Variants in ERCC6L2 observed in about 807,000 individuals in gnomAD.
The protein encoded by ERCC6L2 is ERCC excision repair 6 like 2, also known as DNA excision repair protein ERCC-6-like 2.
In ERCC6L2, 77 loss-of-function variants were observed where a neutral mutation model predicts 132.0. The observed-to-expected ratio is 0.58, with a 90% CI of 0.49 to 0.71. The LOEUF (loss-of-function observed/expected upper bound fraction) is 0.71, where lower values mean the gene tolerates loss of function less well. ERCC6L2 is among the 30% of genes least tolerant of loss of function. The probability of loss-of-function intolerance (pLI) is 0.00; values close to 1 mark genes in which losing one functional copy is unlikely to be tolerated. For missense variants in ERCC6L2, 1,542 were observed against 1,837.6 expected (o/e 0.84, Z 2.94); for synonymous variants, 583 against 632.4 (o/e 0.92, Z 1.17).
At chr9:95,969,071 G>GCCCCTATCT (rs1832293338) in intron 14 of ERCC6L2, among the ~76,000 whole-genome samples, 1 of 152,030 alleles carries the variant, frequency 6.6e-6, no homozygotes, top group Admixed American at 6.6e-5. Flanking sequence ...TTAGATAGGG[G>GCCCCTATCT]AAACAAATGC....
chr9:96,039,928 T>C (rs1588071943), intron 20 of ERCC6L2, among the ~76,000 whole-genome samples: 2 of 151,846 alleles, frequency 1.3e-5, no homozygotes, highest in Admixed American at 6.6e-5. Context: ...CAGATAAAGA[T>C]GTGGTCCAGG....
At position 95,972,027 on chromosome 9, in the gene ERCC6L2, A is replaced by T. The variant is rs1341696827; in HGVS notation, c.2276A>T (p.Asp759Val). 3 of 1,304,248 alleles carry T rather than the reference A, an allele frequency of 2.3e-6. No homozygotes were observed. In the South Asian group the frequency reaches 3.7e-5, roughly 16 times the overall value. 80.8% of individuals were successfully genotyped at this position (1,304,248 alleles called of 1,614,324 possible). A position where few individuals can be genotyped will look rare whatever the true frequency, so the allele number is the denominator to read the frequency against. ...TGTGATCTCTGCAGTGACTTCAGTG[A>T]TGAAGAGCCAGTGGGAGCCACAGGA... ...EACDLCSDFS[D>V]EEPVGATGIK... is the part of the protein sequence containing the mutation. The change falls in exon 16 of 19, where the codon GAT becomes GTT. Residue 759 changes from aspartate (D) to valine (V), a missense_variant. Coordinates refer to ENST00000653738, the MANE Select transcript of ERCC6L2 (RefSeq NM_020207.7).
chr9:95,928,130 C>T lies in ERCC6L2; in HGVS notation c.1585C>T (p.Leu529Phe), dbSNP rs544535523. The change falls in exon 10 of 19, where the codon CTC becomes TTC. Residue 529 changes from leucine (L) to phenylalanine (F), a missense_variant. Physicochemically the swap from Leu to Phe is conservative, Grantham distance 22. Coordinates refer to ENST00000653738, the MANE Select transcript of ERCC6L2 (RefSeq NM_020207.7). ...HCRKNRDKVL[L>F]FSFSTKLLDV... is the part of the protein sequence containing the mutation. ...CAGGAAAAACAGAGATAAAGTTCTT[C>T]TCTTTTCTTTTTCCACCAAGGTGAG... 32 of 1,612,440 alleles carry T rather than the reference C, an allele frequency of 2.0e-5. No individual in the cohort carries two copies. The highest frequency in any genetic ancestry group is 2.2e-5 in the Non-Finnish European group (26 of 1,178,948).
At chr9:95,908,199 T>C (rs1264831757) in intron 4 of ERCC6L2, among the ~76,000 whole-genome samples, 2 of 152,168 alleles carry the variant, frequency 1.3e-5, no homozygotes, top group Non-Finnish European at 2.9e-5. Context: ...TGTTCAGGTC[T>C]CAACCCCAGC....
At position 96,017,553 on chromosome 9, in the gene ERCC6L2, C is replaced by T. The variant is rs1214944100; in HGVS notation, c.*4350C>T. 6.6e-6 allele frequency among the ~76,000 whole-genome samples: 1 copy of T among 152,192 alleles called. No individual in the cohort carries two copies. The highest frequency in any genetic ancestry group is 1.5e-5 in the Non-Finnish European group (1 of 68,044). ...GGGGTCTAGGGCTCAGCACAGGCAC[C>T]CTTTTTGTTTTTGCAGTTTCACAGG... On this transcript the variant is annotated 3_prime_UTR_variant, in exon 19 of 19. Coordinates refer to ENST00000653738, the MANE Select transcript of ERCC6L2 (RefSeq NM_020207.7).
intron 17 of ERCC6L2, among the ~76,000 whole-genome samples, chr9:95,998,806 GA>G (rs1387547459): frequency 3.9e-5 from 6 of 152,166 alleles, no homozygotes; most frequent in African/African-American, 1.4e-4. Context: ...CTCGTTTTGT[GA>G]TACTCTGTTA....
At chr9:96,010,731 G>A (rs933601671) in intron 18 of ERCC6L2, among the ~76,000 whole-genome samples, 5 of 152,096 alleles carry the variant, frequency 3.3e-5, no homozygotes, top group Non-Finnish European at 5.9e-5. Context: ...TTACCTCATG[G>A]TAAATTTACA....
chr9:95,898,396 C>G (rs1441164247), intron 3 of ERCC6L2, among the ~76,000 whole-genome samples: 1 of 152,028 alleles, frequency 6.6e-6, no homozygotes, highest in Non-Finnish European at 1.5e-5. Flanking sequence ...TTCAAGTTGC[C>G]TAGCTAATTG....
At chr9:95,907,445 T>G (rs1829101667) in intron 4 of ERCC6L2, among the ~76,000 whole-genome samples, 174 bp downstream of exon 4, 1 of 147,630 alleles carries the variant, frequency 6.8e-6, no homozygotes, top group Non-Finnish European at 1.5e-5. Context: ...GCTCAGGCAA[T>G]CCACCCACCT....
At chr9:95,965,343 A>T (rs1303366208) in intron 13 of ERCC6L2, among the ~76,000 whole-genome samples, 1 of 152,194 alleles carries the variant, frequency 6.6e-6, no homozygotes, top group African/African-American at 2.4e-5. Context: ...TATTTCTAAA[A>T]TTGAGATGAT....
intron 14 of ERCC6L2, among the ~76,000 whole-genome samples, chr9:95,969,792 G>C (rs1587998361): frequency 1.3e-5 from 2 of 152,222 alleles, no homozygotes; most frequent in South Asian, 4.1e-4. Flanking sequence ...TCATTGCCCT[G>C]GATACCAGGT....
At chr9:95,937,843 T>C (rs1271106144) in intron 11 of ERCC6L2, among the ~76,000 whole-genome samples, 3 of 151,584 alleles carry the variant, frequency 2.0e-5, no homozygotes. Flanking sequence ...ATTTCCTTTC[T>C]TCTGCTTGCT....
At chr9:95,938,733 G>GT (rs1346764089) in intron 11 of ERCC6L2, among the ~76,000 whole-genome samples, 3 of 151,470 alleles carry the variant, frequency 2.0e-5, no homozygotes, top group African/African-American at 7.3e-5. Flanking sequence ...GTTTTGTTTT[G>GT]TTTTTTGTGG....
chr9:95,980,593 C>T (rs926736779), intron 17 of ERCC6L2, among the ~76,000 whole-genome samples: 4 of 152,076 alleles, frequency 2.6e-5, no homozygotes, highest in African/African-American at 4.8e-5. Context: ...CATCATATCG[C>T]GTCAATATTA....
chr9:95,928,818 G>A lies in ERCC6L2; in HGVS notation c.1705G>A (p.Glu569Lys). 1 of 1,612,098 alleles carries A rather than the reference G, an allele frequency of 6.2e-7. No individual in the cohort carries two copies. The highest frequency in any genetic ancestry group is 1.1e-5 in the South Asian group (1 of 90,818). Residue 569 changes from glutamate (E) to lysine (K), a missense_variant, in exon 11 of 19, where the codon GAG becomes AAG. Around this residue, in one of 4 missense-constraint regions of ERCC6L2, gnomAD observed 945 missense variants for 1,105.2 expected, o/e 0.86. Coordinates refer to ENST00000653738, the MANE Select transcript of ERCC6L2 (RefSeq NM_020207.7). Reference sequence around the variant, plus strand: ...AGAGGAAAGACTCAAGATTGTAAAAGAGTTCAACAGTACACAAGATGTTAA... The same window carrying A: ...AGAGGAAAGACTCAAGATTGTAAAAAAGTTCAACAGTACACAAGATGTTAA... ...KSEERLKIVK[E>K]FNSTQDVNIC...
At chr9:95,892,810 A>T (rs1828242024) in intron 2 of ERCC6L2, among the ~76,000 whole-genome samples, 1 of 152,136 alleles carries the variant, frequency 6.6e-6, no homozygotes, top group Non-Finnish European at 1.5e-5. Flanking sequence ...TGTGATTGTT[A>T]TATCTTCCTG....
At chr9:96,005,011 T>C (rs1045789731) in intron 18 of ERCC6L2, among the ~76,000 whole-genome samples, 1 of 152,166 alleles carries the variant, frequency 6.6e-6, no homozygotes, top group African/African-American at 2.4e-5. Flanking sequence ...GAGTCTTGAA[T>C]ATGCAGTGTA....
chr9:95,923,507 G>C, intron 9 of ERCC6L2, 128 bp downstream of exon 9: 2 of 1,069,988 alleles, frequency 1.9e-6, no homozygotes, highest in Non-Finnish European at 2.7e-6. Context: ...CTATGGACAA[G>C]TGGTGCAATT....
chr9:95,954,407 A>G (rs1328898063), intron 12 of ERCC6L2, among the ~76,000 whole-genome samples: 1 of 152,214 alleles, frequency 6.6e-6, no homozygotes, highest in East Asian at 1.9e-4. Flanking sequence ...AACTGAATAA[A>G]TGGCATTCCT....
Sources: gnomAD v4.1 joint callset for allele counts (sites outside exome capture counted in the v4.1 genomes callset) on GRCh38, gnomAD v4.1.1 for gene constraint, gnomAD v4.1.1 regional missense constraint, MANE v1.5 for transcripts, NCBI Gene and HGNC (gene_info 2026-07-23, HGNC 2026-07-21) for gene names.